CENPM: variants seen among roughly 807,000 people sequenced by gnomAD.
The protein encoded by CENPM is centromere protein M.
CENPM carries 14 observed loss-of-function variants against 19.6 expected under a neutral mutation model. The observed-to-expected ratio is 0.71, with a 90% CI of 0.47 to 1.11. The LOEUF (loss-of-function observed/expected upper bound fraction) is 1.11. Among genes scored for constraint, CENPM ranks in the 50% most tolerant of loss-of-function variants. The probability of loss-of-function intolerance (pLI) is 0.00; values close to 1 mark genes in which losing one functional copy is unlikely to be tolerated. For synonymous variants in CENPM, 114 were observed against 101.5 expected (o/e 1.12, Z -0.74); for missense variants, 239 against 228.4 (o/e 1.05, Z -0.30).
intron 4 of CENPM, chr22:41,944,823 C>A: frequency 9.8e-7 from 1 of 1,021,332 alleles, no homozygotes; most frequent in Non-Finnish European, 1.2e-6. Context: ...CACAGGCAAC[C>A]ACTAGGCAAC....
At chr22:41,940,233 A>G (rs73165147) in intron 5 of CENPM, 97,919 of 725,886 alleles carry the variant, frequency 0.13, 10,198 homozygotes, top group Admixed American at 0.39. Context: ...TACTTCCTTC[A>G]GGTCTTTATT....
chr22:41,929,151 TA>T, the CENPM span, among the ~76,000 whole-genome samples: 1 of 148,376 alleles, frequency 6.7e-6, no homozygotes, highest in African/African-American at 2.5e-5. Context: ...GGGTGTACGG[TA>T]CAGGGATGGG....
chr22:41,945,604 C>A (rs1257894246), intron 3 of CENPM, among the ~76,000 whole-genome samples: 1 of 152,022 alleles, frequency 6.6e-6, no homozygotes, highest in Non-Finnish European at 1.5e-5. Context: ...GTACATGCCA[C>A]CACGCCTGGC....
In CENPM at chr22:41,947,098, T is replaced by C; in HGVS notation, c.-22A>G. ...ACATCACAGCCGCAGGACCAACCGT[T>C]GCTCCTGCGGTGCGCGCCGATCTTT... On this transcript the variant is annotated 5_prime_UTR_variant, in exon 1 of 6. Coordinates refer to ENST00000215980, the MANE Select transcript of CENPM (RefSeq NM_024053.5). The C allele has an allele frequency of 6.2e-7, 1 of 1,612,150 alleles. No individual in the cohort carries two copies. The highest frequency in any genetic ancestry group is 8.5e-7 in the Non-Finnish European group (1 of 1,179,410).
chr22:41,944,171 C>A (rs1291719138), intron 4 of CENPM: 1 of 984,728 alleles, frequency 1.0e-6, no homozygotes, highest in Non-Finnish European at 1.2e-6. Flanking sequence ...CGGCCGGGTG[C>A]GGTGGCTCAG....
downstream of CENPM, among the ~76,000 whole-genome samples, chr22:41,937,139 C>T (rs1398589948): frequency 1.3e-5 from 2 of 152,182 alleles, no homozygotes; most frequent in Non-Finnish European, 2.9e-5. Context: ...GATGCCTCTA[C>T]AATCTCCAAT....
At chr22:41,932,300 G>T in the CENPM span, among the ~76,000 whole-genome samples, 1 of 152,198 alleles carries the variant, frequency 6.6e-6, no homozygotes, top group Non-Finnish European at 1.5e-5. This position sits in a 1 kb window ranked among gnomAD's most constrained non-coding sequence, Gnocchi z 4.3. Flanking sequence ...GGGGCCAGGG[G>T]AAAGGATGCA....
rs1158915317 is a variant in CENPM, at chr22:41,939,876, GAA to G, written c.403-682_403-681del. On this transcript the variant is annotated intron_variant, in intron 5 of 5. Coordinates refer to ENST00000215980, the MANE Select transcript of CENPM (RefSeq NM_024053.5). ...AGAAAGAAAGAAAGAAAGAAAGAAA[GAA>G]AAAGAAAGAAAGAAAGAAAGAAAGA... 1.5e-4 allele frequency among the ~76,000 whole-genome samples: 15 copies of G among 103,200 alleles called. 1 individual carries two copies. The highest frequency in any genetic ancestry group is 5.3e-4 in the South Asian group (2 of 3,786). 67.7% of individuals were successfully genotyped at this position (103,200 alleles called of 152,430 possible). A position where few individuals can be genotyped will look rare whatever the true frequency, so the allele number is the denominator to read the frequency against.
At chr22:41,936,987 C>T (rs1018922762), downstream of CENPM, among the ~76,000 whole-genome samples, 4 of 152,106 alleles carry the variant, frequency 2.6e-5, no homozygotes, top group African/African-American at 9.7e-5. Context: ...CAGTGCTGCC[C>T]AGGGCTTCAA....
the CENPM span, among the ~76,000 whole-genome samples, chr22:41,927,533 GAA>G: frequency 3.3e-5 from 2 of 60,054 alleles, no homozygotes; most frequent in African/African-American, 1.1e-4. Flanking sequence ...TTTTTTTTTT[GAA>G]AAAGAGTCTG....
intron 1 of CENPM, 106 bp downstream of exon 1, chr22:41,946,914 G>T: frequency 8.5e-7 from 1 of 1,173,594 alleles, no homozygotes; most frequent in Non-Finnish European, 1.3e-6. Flanking sequence ...CCCCCGCCAC[G>T]GTAGCGCGCG....
chr22:41,936,516 G>A (rs776241564), downstream of CENPM, among the ~76,000 whole-genome samples: 1 of 152,204 alleles, frequency 6.6e-6, no homozygotes, highest in Non-Finnish European at 1.5e-5. Context: ...CTAAGTTCCA[G>A]AAGGAACCTA....
intron 5 of CENPM, among the ~76,000 whole-genome samples, chr22:41,941,893 GATGAGAC>G (rs1296223111): frequency 1.3e-5 from 2 of 152,226 alleles, no homozygotes; most frequent in African/African-American, 4.8e-5. Context: ...ATGAGACAGT[GATGAGAC>G]CTGCCCAATC....
intron 5 of CENPM, among the ~76,000 whole-genome samples, chr22:41,943,352 A>G (rs1315419514): frequency 6.6e-6 from 1 of 152,192 alleles, no homozygotes; most frequent in African/African-American, 2.4e-5. Flanking sequence ...AGCCTGGCAT[A>G]TAAGATGCAC....
intron 4 of CENPM, chr22:41,944,689 A>T (rs958920584): frequency 2.0e-6 from 2 of 985,312 alleles, no homozygotes; most frequent in Non-Finnish European, 2.4e-6. Context: ...GAACAGCAGG[A>T]CTTTTTCAGA....
the CENPM span, among the ~76,000 whole-genome samples, chr22:41,927,513 C>CTTTTT: frequency 7.7e-6 from 1 of 129,268 alleles, no homozygotes; most frequent in Non-Finnish European, 1.6e-5. Flanking sequence ...CAGACACCTG[C>CTTTTT]TTTTTTTTTT....
the CENPM span, among the ~76,000 whole-genome samples, chr22:41,927,896 G>C: frequency 1.3e-5 from 2 of 152,174 alleles, no homozygotes; most frequent in East Asian, 3.9e-4. Flanking sequence ...CTCGCAGCAA[G>C]GGCACCAGCT....
chr22:41,939,154 C>A lies in CENPM; in HGVS notation c.445G>T (p.Val149Leu). ...ACGTGGCCAGCACAGATCTGCAGCA[C>A]GCGCACCAGGCGCTGCGCCATGGTG... is the stretch of plus-strand genomic sequence containing the variant. The part of the protein sequence containing the change: ...RATMAQRLVR[V>L]LQICAGHVPG... Residue 149 changes from valine (V) to leucine (L), a missense_variant, in exon 6 of 6, where the codon GTG (valine) becomes TTG (leucine). Val to Leu is a conservative substitution (Grantham distance 32, BLOSUM62 1). Coordinates refer to ENST00000215980, the MANE Select transcript of CENPM (RefSeq NM_024053.5). 9 of 1,612,674 alleles carry A rather than the reference C, an allele frequency of 5.6e-6. No individual in the cohort carries two copies. Among genetic ancestry groups the A allele is most frequent in the Non-Finnish European group, 7.6e-6 (9 of 1,179,858 alleles).
the CENPM span, among the ~76,000 whole-genome samples, chr22:41,930,282 T>C: frequency 6.6e-6 from 1 of 150,930 alleles, no homozygotes; most frequent in Non-Finnish European, 1.5e-5. Context: ...CAGGCTGGAG[T>C]GCAGTGGCGT....
Sources: allele counts gnomAD v4.1 joint callset (sites outside exome capture counted in the v4.1 genomes callset), GRCh38; gene constraint gnomAD v4.1.1; non-coding constraint Gnocchi (gnomAD v3.1); transcripts MANE v1.5; gene names NCBI Gene and HGNC (gene_info 2026-07-23, HGNC 2026-07-21).